The following HS6ST3 variants were observed in gnomAD, a reference collection of about 807,000 sequenced individuals.
HS6ST3 encodes heparan-sulfate 6-O-sulfotransferase 3.
Under a neutral mutation model 36.7 loss-of-function variants are expected in HS6ST3, and 12 were observed. The observed-to-expected ratio is 0.33, with a 90% CI of 0.21 to 0.53. HS6ST3 has a LOEUF of 0.53. HS6ST3 is among the 20% of genes least tolerant of loss of function. The pLI is 0.95. For missense variants in HS6ST3, 584 were observed against 640.9 expected, an observed-to-expected ratio of 0.91 and a Z score of 0.96; for synonymous variants, 240 against 257.5, an observed-to-expected ratio of 0.93 and a Z score of 0.65.
chr13:96,569,803 A>G (rs1201570888), intron 1 of HS6ST3, among the ~76,000 whole-genome samples: 1 of 152,182 alleles, frequency 6.6e-6, no homozygotes, highest in Non-Finnish European at 1.5e-5. Flanking sequence ...AACCCTGCTC[A>G]GGGTCACTCA....
intron 1 of HS6ST3, among the ~76,000 whole-genome samples, chr13:96,128,940 G>A (rs137972882): frequency 1.8e-4 from 28 of 151,830 alleles, no homozygotes; most frequent in Middle Eastern, 3.4e-3. Flanking sequence ...CTGCCTCCTG[G>A]GTTCAAGTGA....
At chr13:96,151,040 G>A (rs1015966619) in intron 1 of HS6ST3, among the ~76,000 whole-genome samples, 45 of 152,134 alleles carry the variant, frequency 3.0e-4, no homozygotes, top group African/African-American at 1.1e-3. Context: ...CAGCAGATAT[G>A]CCTACCAACA....
chr13:96,726,572 C>T (rs944470965), intron 1 of HS6ST3, among the ~76,000 whole-genome samples: 3 of 152,140 alleles, frequency 2.0e-5, no homozygotes, highest in Non-Finnish European at 4.4e-5. Flanking sequence ...TATAACCTTA[C>T]TAAACTAAGT....
intron 1 of HS6ST3, among the ~76,000 whole-genome samples, chr13:96,418,414 T>C (rs780917342): frequency 6.6e-6 from 1 of 152,206 alleles, no homozygotes; most frequent in Non-Finnish European, 1.5e-5. Flanking sequence ...ACTGTATATA[T>C]GATATATGTT....
In HS6ST3 at chr13:96,168,973, G is replaced by A. The variant is rs190902253; in HGVS notation, c.707+77404G>A. On this transcript the variant is annotated intron_variant, in intron 1 of 1. Transcript: ENST00000376705. ...AGTTAGAAGATTGTTATTATTAGCC[G>A]ATCTGATTATTGCTCTCCACCCCAT... Among the ~76,000 whole-genome samples the A allele has an allele frequency of 3.4e-3, 510 of 152,106 alleles. 4 individuals are homozygous for A. Among genetic ancestry groups the A allele is most frequent in the African/African-American group, 0.012 (488 of 41,510 alleles).
At chr13:96,368,624 T>A (rs2055275224) in intron 1 of HS6ST3, among the ~76,000 whole-genome samples, 1 of 152,170 alleles carries the variant, frequency 6.6e-6, no homozygotes, top group South Asian at 2.1e-4. Flanking sequence ...AAAAATTCAA[T>A]TTTTGTCAGT....
intron 1 of HS6ST3, among the ~76,000 whole-genome samples, chr13:96,483,167 A>G (rs1053683090): frequency 6.6e-6 from 1 of 152,214 alleles, no homozygotes; most frequent in Non-Finnish European, 1.5e-5. Flanking sequence ...TGATGGTTTG[A>G]TGAATGCATT....
At chr13:96,506,053 A>G (rs949520618) in intron 1 of HS6ST3, among the ~76,000 whole-genome samples, 1 of 152,124 alleles carries the variant, frequency 6.6e-6, no homozygotes, top group African/African-American at 2.4e-5. Flanking sequence ...GAAGTTTCTT[A>G]TTCATTTTAG....
chr13:96,805,698 A>G (rs1878182156), intron 1 of HS6ST3, among the ~76,000 whole-genome samples: 1 of 152,202 alleles, frequency 6.6e-6, no homozygotes, highest in Non-Finnish European at 1.5e-5. Flanking sequence ...TGACCATGCA[A>G]TTAACATAAA....
intron 1 of HS6ST3, among the ~76,000 whole-genome samples, chr13:96,173,832 T>C (rs1327561809): frequency 1.3e-5 from 2 of 151,356 alleles, no homozygotes; most frequent in Non-Finnish European, 2.9e-5. Flanking sequence ...TCTTTGTGTG[T>C]GTGTGTGTGT....
At chr13:96,152,316 CTTT>C (rs766489670) in intron 1 of HS6ST3, among the ~76,000 whole-genome samples, 25 of 97,066 alleles carry the variant, frequency 2.6e-4, no homozygotes, top group East Asian at 5.9e-4. Flanking sequence ...GGCCCCTTTC[CTTT>C]TTTTTTTTTT....
chr13:96,639,112 A>G (rs1048265565), intron 1 of HS6ST3, among the ~76,000 whole-genome samples: 2 of 151,982 alleles, frequency 1.3e-5, no homozygotes, highest in Non-Finnish European at 2.9e-5. Context: ...TGTTTTATCT[A>G]TTATTGAAAG....
intron 1 of HS6ST3, among the ~76,000 whole-genome samples, chr13:96,584,435 C>T (rs909849545): frequency 4.6e-5 from 7 of 152,172 alleles, no homozygotes; most frequent in Non-Finnish European, 5.9e-5. Context: ...TGAGCCACCA[C>T]ACCTAGCCTC....
At chr13:96,485,823 C>T (rs1007061377) in intron 1 of HS6ST3, among the ~76,000 whole-genome samples, 9 of 152,220 alleles carry the variant, frequency 5.9e-5, no homozygotes, top group African/African-American at 2.2e-4. Context: ...ATGTAGGCTA[C>T]AATACTTCAT....
chr13:96,539,254 G>A (rs918890873), intron 1 of HS6ST3, among the ~76,000 whole-genome samples: 4 of 152,120 alleles, frequency 2.6e-5, no homozygotes, highest in Non-Finnish European at 5.9e-5. Context: ...TTTCACTAGT[G>A]TTCTCTGTAA....
intron 1 of HS6ST3, among the ~76,000 whole-genome samples, chr13:96,254,488 TATATATATATACACATACATAC>T (rs1293334738): frequency 0.15 from 2,133 of 13,862 alleles, 259 homozygotes; most frequent in East Asian, 0.22. Flanking sequence ...TATATATATA[TATATATATATACACATACATAC>T]ACACACACAC....
chr13:96,649,962 C>T (rs1049357659), intron 1 of HS6ST3, among the ~76,000 whole-genome samples: 1 of 151,946 alleles, frequency 6.6e-6, no homozygotes, highest in Non-Finnish European at 1.5e-5. Context: ...GTTTGCTGAA[C>T]TTCACAAGCT....
intron 1 of HS6ST3, among the ~76,000 whole-genome samples, chr13:96,132,559 C>T (rs1468199558): frequency 6.6e-6 from 1 of 152,058 alleles, no homozygotes; most frequent in East Asian, 1.9e-4. Context: ...GCGTATGCCA[C>T]TATGCCTGTC....
In HS6ST3 at chr13:96,706,087, C is replaced by T. The variant is rs185804485; in HGVS notation, c.708-126403C>T. 5.6e-4 allele frequency among the ~76,000 whole-genome samples: 85 copies of T among 152,242 alleles called. 1 individual carries two copies. The highest frequency in any genetic ancestry group is 4.6e-3 in the Admixed American group (71 of 15,296). ...CACCACACTTGCCACAAAACATAAT[C>T]TTAAGTTGTCTTTTTATTCTTCGTA... On this transcript the variant is annotated intron_variant, in intron 1 of 1. Transcript: ENST00000376705.
Sources: allele counts gnomAD v4.1 joint callset (sites outside exome capture counted in the v4.1 genomes callset), GRCh38; gene constraint gnomAD v4.1.1; transcripts MANE v1.5; gene names NCBI Gene and HGNC (gene_info 2026-07-23, HGNC 2026-07-21).